The following AP4E1 variants were observed in gnomAD, a reference collection of about 807,000 sequenced individuals.
AP4E1 encodes adaptor related protein complex 4 subunit epsilon 1, also known as AP-4 complex subunit epsilon-1.
Under a neutral mutation model 128.2 loss-of-function variants are expected in AP4E1, and 56 were observed. The ratio of observed to expected loss-of-function variants is 0.44; its 90% confidence interval spans 0.35 to 0.55. The LOEUF (loss-of-function observed/expected upper bound fraction) is 0.55, where lower values mean the gene tolerates loss of function less well. Among genes scored for constraint, AP4E1 ranks in the 20% least tolerant of loss-of-function variants. AP4E1 has a pLI of 0.00. For synonymous variants in AP4E1, 484 were observed against 473.1 expected (o/e 1.02, Z -0.30); for missense variants, 1,324 against 1,307.7 (o/e 1.01, Z -0.19).
intron 8 of AP4E1, among the ~76,000 whole-genome samples, chr15:50,940,978 C>T (rs912466861): frequency 2.0e-5 from 3 of 152,052 alleles, no homozygotes; most frequent in African/African-American, 7.2e-5. Flanking sequence ...GCAATTTTGG[C>T]ACGTAAATGG....
intron 15 of AP4E1, among the ~76,000 whole-genome samples, chr15:50,970,732 C>G (rs1180712478): frequency 6.6e-6 from 1 of 152,140 alleles, no homozygotes; most frequent in African/African-American, 2.4e-5. Flanking sequence ...CAACCCCCCA[C>G]TTTCAGTCTG....
In AP4E1 at chr15:50,998,480, A is replaced by G. The variant is rs2064911921; in HGVS notation, c.2905-592A>G. Reference sequence around the variant, plus strand: ...CCCTGTCTCTACTAAAAATACAAAAATTAGCTGGGCATGGTGGTACGCACC... The same window carrying G: ...CCCTGTCTCTACTAAAAATACAAAAGTTAGCTGGGCATGGTGGTACGCACC... On this transcript the variant is annotated intron_variant, in intron 18 of 20. Transcript: ENST00000261842. 3.9e-5 allele frequency among the ~76,000 whole-genome samples: 6 copies of G among 152,202 alleles called. No individual in the cohort carries two copies. The South Asian group carries it at 1.0e-3, about 26-fold the overall frequency.
rs761141217 is a variant in AP4E1, at chr15:50,941,444, A to G, written c.946A>G (p.Ile316Val). ...AELNHNVTYAILFECVHTVYS... is the reference protein window; with the variant it reads ...AELNHNVTYAVLFECVHTVYS... ...CATTTTTATGTTTCTTTTTCTAGCTATTTTGTTTGAATGTGTGCATACAGT... is the reference window on the plus strand; with the variant it reads ...CATTTTTATGTTTCTTTTTCTAGCTGTTTTGTTTGAATGTGTGCATACAGT... Residue 316 changes from isoleucine (I) to valine (V), a missense_variant and splice_region_variant, in exon 9 of 21, where the codon ATT (isoleucine) becomes GTT (valine). Ile to Val is a conservative substitution (Grantham distance 29). Transcript: ENST00000261842. 4 of 1,612,136 alleles carry G rather than the reference A, an allele frequency of 2.5e-6. No individual in the cohort carries two copies. The East Asian group carries it at 6.7e-5, about 27-fold the overall frequency.
intron 3 of AP4E1, chr15:50,915,799 T>G: frequency 1.9e-6 from 1 of 523,548 alleles, no homozygotes; most frequent in South Asian, 2.2e-5. Flanking sequence ...TTCTTGCTCT[T>G]GTGATGGCGG....
rs2064039842 is a variant in AP4E1, at chr15:50,945,093, G to C, written c.1177-2927G>C. 5 of 784,618 alleles carry C rather than the reference G, an allele frequency of 6.4e-6. No homozygotes were observed. The Admixed American group carries it at 8.5e-5, about 13-fold the overall frequency. 48.6% of individuals were successfully genotyped at this position (784,618 alleles called of 1,614,324 possible). A position where few individuals can be genotyped will look rare whatever the true frequency, so the allele number is the denominator to read the frequency against. On this transcript the variant is annotated intron_variant, in intron 10 of 20. Transcript: ENST00000261842. Reference sequence around the variant, plus strand: ...GAAAATGGATGGGCCAGGCTATGGAGATGAGGAAGAACCATTACATACAAC... The same window carrying C: ...GAAAATGGATGGGCCAGGCTATGGACATGAGGAAGAACCATTACATACAAC...
At chr15:50,960,206 G>A (rs898782500) in intron 14 of AP4E1, among the ~76,000 whole-genome samples, 2 of 152,110 alleles carry the variant, frequency 1.3e-5, no homozygotes, top group Non-Finnish European at 2.9e-5. Context: ...TTCGGAATAA[G>A]ACAGATCATC....
At chr15:50,911,531 G>A (rs1354808317) in intron 1 of AP4E1, among the ~76,000 whole-genome samples, 1 of 147,544 alleles carries the variant, frequency 6.8e-6, no homozygotes, top group East Asian at 2.0e-4. Flanking sequence ...TACCCAGGCT[G>A]GAGTGCAGTG....
At chr15:50,980,892 G>A (rs571521429) in intron 15 of AP4E1, among the ~76,000 whole-genome samples, 1 of 152,280 alleles carries the variant, frequency 6.6e-6, no homozygotes, top group African/African-American at 2.4e-5. Flanking sequence ...CAGTGTGCAA[G>A]AGCCATGGGG....
chr15:50,955,992 C>T (rs753134884), intron 13 of AP4E1, among the ~76,000 whole-genome samples: 1 of 152,164 alleles, frequency 6.6e-6, no homozygotes, highest in Non-Finnish European at 1.5e-5. Flanking sequence ...AGAGGGCAGG[C>T]TCCTGTTGGG....
In AP4E1 at chr15:51,003,609, T is replaced by C. The variant is rs2064990179; in HGVS notation, c.*947T>C. On this transcript the variant is annotated 3_prime_UTR_variant, in exon 21 of 21. Transcript: ENST00000261842. The stretch of plus-strand genomic sequence containing the variant: ...TAAGTATAACATACAGGTTCTTCAG[T>C]AAAATATATCATTTTCATGTTATAG... 6.6e-6 allele frequency: 1 copy of C among 152,628 alleles called. No individual in the cohort carries two copies. The allele number at this position is 152,628 out of a possible 1,614,324, so 9.5% of individuals were successfully genotyped here.
At chr15:50,968,414 G>A (rs761405785) in intron 15 of AP4E1, 37 bp downstream of exon 15, 21 of 1,441,336 alleles carry the variant, frequency 1.5e-5, no homozygotes, top group East Asian at 1.2e-4. Flanking sequence ...CTAGAGTGTA[G>A]GGATGTAATT....
chr15:50,917,599 A>G (rs1423783685), intron 3 of AP4E1, among the ~76,000 whole-genome samples: 1 of 152,216 alleles, frequency 6.6e-6, no homozygotes, highest in Admixed American at 6.5e-5. Flanking sequence ...ATATTTATGA[A>G]CAGAAAGTCT....
intron 11 of AP4E1, among the ~76,000 whole-genome samples, chr15:50,949,098 A>G (rs1485039139): frequency 6.6e-6 from 1 of 152,112 alleles, no homozygotes; most frequent in East Asian, 1.9e-4. Flanking sequence ...TGGCCAGCAG[A>G]ATGATAGAAC....
intron 14 of AP4E1, among the ~76,000 whole-genome samples, chr15:50,963,828 T>G (rs1020431805): frequency 1.3e-5 from 2 of 152,248 alleles, no homozygotes; most frequent in Non-Finnish European, 2.9e-5. Context: ...ACGCCAGATA[T>G]GTATGTCTTT....
intron 3 of AP4E1, among the ~76,000 whole-genome samples, chr15:50,923,579 G>T (rs1412640306): frequency 6.6e-6 from 1 of 152,008 alleles, no homozygotes; most frequent in East Asian, 1.9e-4. Flanking sequence ...TATATATTTG[G>T]CTATAAAATA....
chr15:50,950,104 T>G lies in AP4E1; in HGVS notation c.1483T>G (p.Tyr495Asp). 1 of 1,613,614 alleles carries G rather than the reference T, an allele frequency of 6.2e-7. No individual in the cohort carries two copies. The highest frequency in any genetic ancestry group is 8.5e-7 in the Non-Finnish European group (1 of 1,179,782). ...ATTAAGACTCTATGCAGTTCAGTCT[T>G]ATCTCACTTTACTGGATATGGAAAA... ...QQLRLYAVQS[Y>D]LTLLDMENVF... Residue 495 changes from tyrosine to aspartate, a missense_variant, in exon 13 of 21, where the codon TAT (tyrosine) becomes GAT (aspartate). Transcript: ENST00000261842.
intron 17 of AP4E1, 71 bp downstream of exon 17, chr15:50,993,696 A>C (rs1595580169): frequency 6.3e-7 from 1 of 1,588,378 alleles, no homozygotes; most frequent in East Asian, 2.2e-5. Flanking sequence ...GCTCTATAAA[A>C]GCTCCTGGCT....
chr15:50,914,436 A>T (rs1422844397), intron 2 of AP4E1, among the ~76,000 whole-genome samples: 1 of 152,026 alleles, frequency 6.6e-6, no homozygotes, highest in Admixed American at 6.6e-5. Context: ...GGATCATTTG[A>T]GGTCAAGAGT....
At chr15:50,967,187 T>C (rs1328240142) in intron 14 of AP4E1, among the ~76,000 whole-genome samples, 2 of 152,212 alleles carry the variant, frequency 1.3e-5, no homozygotes, top group East Asian at 1.9e-4. Context: ...TCAAAGGCAC[T>C]GTGGGAGGCT....
Sources: gnomAD v4.1 joint callset for allele counts (sites outside exome capture counted in the v4.1 genomes callset) on GRCh38, gnomAD v4.1.1 for gene constraint, MANE v1.5 for transcripts, NCBI Gene and HGNC (gene_info 2026-07-23, HGNC 2026-07-21) for gene names.